The following ADHFE1 variants were observed in gnomAD, a reference collection of about 807,000 sequenced individuals.
The protein encoded by ADHFE1 is hydroxyacid-oxoacid transhydrogenase, mitochondrial.
Under a neutral mutation model 54.8 loss-of-function variants are expected in ADHFE1, and 37 were observed. The observed-to-expected ratio is 0.68, with a 90% confidence interval of 0.52 to 0.89. ADHFE1 has a LOEUF of 0.89. Ranked by LOEUF, ADHFE1 falls within the 40% of genes least tolerant of loss-of-function variation. ADHFE1 has a pLI of 0.00. For missense variants in ADHFE1, 601 were observed against 591.2 expected (o/e 1.02, Z -0.17); for synonymous variants, 203 against 229.3 (o/e 0.89, Z 1.04).
At chr8:66,449,618 A>G (rs1350910864) in intron 8 of ADHFE1, among the ~76,000 whole-genome samples, 1 of 152,098 alleles carries the variant, frequency 6.6e-6, no homozygotes, top group Non-Finnish European at 1.5e-5. Flanking sequence ...TGGCCCCCTA[A>G]TCAGTATTTC....
chr8:66,456,512 G>A (rs994227885), intron 10 of ADHFE1, among the ~76,000 whole-genome samples: 4 of 152,174 alleles, frequency 2.6e-5, no homozygotes, highest in East Asian at 3.8e-4. Flanking sequence ...GTGAATTACC[G>A]AGTCTTTGAG....
chr8:66,451,595 T>A (rs1427414111), intron 8 of ADHFE1, among the ~76,000 whole-genome samples: 1 of 152,224 alleles, frequency 6.6e-6, no homozygotes, highest in Non-Finnish European at 1.5e-5. Flanking sequence ...TATAAAATGG[T>A]AAATATCTTC....
intron 12 of ADHFE1, among the ~76,000 whole-genome samples, chr8:66,458,440 G>T (rs1806711000): frequency 6.6e-6 from 1 of 152,208 alleles, no homozygotes; most frequent in African/African-American, 2.4e-5. Context: ...ACTTTGCCAA[G>T]GATCTGTGTC....
intron 6 of ADHFE1, among the ~76,000 whole-genome samples, chr8:66,445,760 T>C (rs577691069): frequency 3.3e-5 from 5 of 152,338 alleles, no homozygotes; most frequent in Non-Finnish European, 2.9e-5. Context: ...CCAGCCACTG[T>C]AGAGTTTAAG....
chr8:66,438,298 G>GT (rs1050490357), intron 1 of ADHFE1, among the ~76,000 whole-genome samples: 63 of 152,304 alleles, frequency 4.1e-4, no homozygotes, highest in African/African-American at 1.3e-3. Flanking sequence ...GTGGAGACAT[G>GT]TTTGAGGCCT....
chr8:66,447,590 C>T lies in ADHFE1; in HGVS notation c.628+249C>T, dbSNP rs115103361. Among the ~76,000 whole-genome samples the T allele has an allele frequency of 3.3e-3, 507 of 152,280 alleles. 3 individuals are homozygous for T. Among genetic ancestry groups the T allele is most frequent in the African/African-American group, 0.011 (476 of 41,552 alleles). On this transcript the variant is annotated intron_variant, in intron 7 of 13. Coordinates refer to ENST00000396623, the MANE Select transcript of ADHFE1 (RefSeq NM_144650.3). ...CCCACAGAGCCTGACTTGATCATCA[C>T]ACTTTCTATGTATGTAACCAATACT...
chr8:66,440,051 T>C (rs1473419188), intron 1 of ADHFE1, 111 bp from the exon 2 acceptor site: 1 of 1,054,006 alleles, frequency 9.5e-7, no homozygotes, highest in Non-Finnish European at 1.4e-6. Flanking sequence ...GAACTACCAA[T>C]TTGATAGCAT....
At chr8:66,436,354 G>C (rs1388571949) in intron 1 of ADHFE1, among the ~76,000 whole-genome samples, 2 of 152,198 alleles carry the variant, frequency 1.3e-5, no homozygotes, top group African/African-American at 4.8e-5. Context: ...GTTGCGGAAA[G>C]ACCAGTGGAT....
intron 3 of ADHFE1, among the ~76,000 whole-genome samples, chr8:66,443,548 G>T (rs1258211869): frequency 1.3e-5 from 2 of 152,104 alleles, no homozygotes; most frequent in African/African-American, 4.8e-5. Flanking sequence ...AAAGTGCCAG[G>T]ATTACAGGCA....
At chr8:66,454,870 T>A (rs1806493309) in intron 10 of ADHFE1, among the ~76,000 whole-genome samples, 1 of 152,062 alleles carries the variant, frequency 6.6e-6, no homozygotes, top group Admixed American at 6.5e-5. Context: ...TGCACCACCA[T>A]GCCCAGCTAA....
intron 9 of ADHFE1, chr8:66,453,800 G>T: frequency 2.1e-6 from 3 of 1,440,910 alleles, no homozygotes; most frequent in Non-Finnish European, 2.8e-6. Context: ...CCAGCGCGTT[G>T]CCTCCCCCGG....
chr8:66,438,411 A>G (rs993351728), intron 1 of ADHFE1, among the ~76,000 whole-genome samples: 1 of 152,166 alleles, frequency 6.6e-6, no homozygotes. Context: ...CAGAGTGGAA[A>G]AGGAGCCAGT....
intron 13 of ADHFE1, among the ~76,000 whole-genome samples, chr8:66,464,148 A>G (rs922633617): frequency 2.6e-5 from 4 of 152,342 alleles, no homozygotes; most frequent in South Asian, 2.1e-4. Context: ...TTTCGTTCCC[A>G]TGTTAATGAG....
chr8:66,432,560 A>T lies in ADHFE1; in HGVS notation c.44A>T (p.Gln15Leu). The T allele has an allele frequency of 7.4e-7, 1 of 1,352,248 alleles. No homozygotes were observed. 83.8% of individuals were successfully genotyped at this position (1,352,248 alleles called of 1,614,324 possible). A position where few individuals can be genotyped will look rare whatever the true frequency, so the allele number is the denominator to read the frequency against. ...ARARVAYLLR[Q>L]LQRAACQCPT... The stretch of plus-strand genomic sequence containing the variant: ...GCCCGGGTCGCGTACTTGCTGAGGC[A>T]ACTGCAACGCGCAGCGTGAGTGCGG... The change falls in exon 1 of 14, where the codon CAA (glutamine) becomes CTA (leucine). Residue 15 changes from glutamine (Q) to leucine (L), a missense_variant. Coordinates refer to ENST00000396623, the MANE Select transcript of ADHFE1 (RefSeq NM_144650.3).
intron 2 of ADHFE1, among the ~76,000 whole-genome samples, chr8:66,440,698 C>T (rs1366867615): frequency 6.6e-6 from 1 of 152,054 alleles, no homozygotes; most frequent in Non-Finnish European, 1.5e-5. Flanking sequence ...CTTCAGTTAC[C>T]ACAACATCTT....
Position 66,458,970 on chromosome 8 carries a change from T to C in ADHFE1, c.1163-1338T>C, listed in dbSNP as rs533621605. ...GCCGCTGGGTAATACAGACTGGTCT[T>C]GTCAGGCAAGGTTTACCTTTCATCC... On this transcript the variant is annotated intron_variant, in intron 12 of 13. Coordinates refer to ENST00000396623, the MANE Select transcript of ADHFE1 (RefSeq NM_144650.3). Among the ~76,000 whole-genome samples the C allele has an allele frequency of 2.6e-5, 4 of 152,334 alleles. No homozygotes were observed. In the South Asian group the frequency reaches 6.2e-4, roughly 24 times the overall value.
chr8:66,460,504 C>T (rs908018692), intron 13 of ADHFE1, 39 bp downstream of exon 13: 1 of 1,523,662 alleles, frequency 6.6e-7, no homozygotes, highest in Non-Finnish European at 8.8e-7. Context: ...TGCGAAGGAG[C>T]CTAGCGCCTC....
chr8:66,450,928 T>C (rs753943113), intron 8 of ADHFE1, among the ~76,000 whole-genome samples: 1 of 152,272 alleles, frequency 6.6e-6, no homozygotes, highest in South Asian at 2.1e-4. Flanking sequence ...GCTTCTCATA[T>C]GTAGAAGAGA....
rs62511221 is a variant in ADHFE1, at chr8:66,462,341, C to T, written c.1320+1876C>T. ...CACAGCTCACCACAGCCTTGACCTC[C>T]CAGGCTCAAGTGATCCTCTGTCCTC... On this transcript the variant is annotated intron_variant, in intron 13 of 13. Transcript: ENST00000396623. 1.6e-3 allele frequency among the ~76,000 whole-genome samples: 251 copies of T among 152,238 alleles called. 1 individual carries two copies. The highest frequency in any genetic ancestry group is 3.0e-3 in the Admixed American group (46 of 15,280).
Sources: gnomAD v4.1 joint callset for allele counts (sites outside exome capture counted in the v4.1 genomes callset) on GRCh38, gnomAD v4.1.1 for gene constraint, MANE v1.5 for transcripts, NCBI Gene and HGNC (gene_info 2026-07-23, HGNC 2026-07-21) for gene names.